AK4: variants seen among roughly 807,000 people sequenced by gnomAD.
The protein encoded by AK4 is adenylate kinase 4, mitochondrial.
A neutral mutation model predicts 24.6 loss-of-function variants in AK4; 13 were observed. That is an observed-to-expected ratio of 0.53 (90% confidence interval 0.34 to 0.84). The LOEUF (loss-of-function observed/expected upper bound fraction) is 0.84. Among genes scored for constraint, AK4 ranks in the 40% least tolerant of loss-of-function variants. AK4 has a pLI of 0.01. For synonymous variants in AK4, 88 were observed against 107.0 expected (o/e 0.82, Z 1.10); for missense variants, 192 against 288.2 (o/e 0.67, Z 2.42).
chr1:65,228,804 A>G lies in AK4; in HGVS notation c.*2627A>G, dbSNP rs926582811. ...GGTTCAGATGGTTTCTAAGATGCCA[A>G]CCTGACCTCGCATTCTGTCATTCTA... On this transcript the variant is annotated 3_prime_UTR_variant, in exon 5 of 5. Coordinates refer to ENST00000327299, the MANE Select transcript of AK4 (RefSeq NM_013410.4). The G allele has an allele frequency of 2.0e-5, 3 of 151,900 alleles. No homozygotes were observed. The highest frequency in any genetic ancestry group is 7.3e-5 in the African/African-American group (3 of 41,348). 9.4% of individuals were successfully genotyped at this position (151,900 alleles called of 1,614,324 possible).
chr1:65,152,375 TATATATATA>T (rs1227681376), intron 1 of AK4, among the ~76,000 whole-genome samples: 12 of 87,246 alleles, frequency 1.4e-4, no homozygotes, highest in East Asian at 8.8e-4. Flanking sequence ...TATATATATA[TATATATATA>T]TTTTTTTTTT....
At position 65,204,696 on chromosome 1, in the gene AK4, G is replaced by A. The variant is rs1033368153; in HGVS notation, c.265+13867G>A. Among the ~76,000 whole-genome samples the A allele has an allele frequency of 9.2e-5, 14 of 152,232 alleles. 3 individuals carry two copies. The highest frequency in any genetic ancestry group is 2.0e-4 in the Admixed American group (3 of 15,290). The stretch of plus-strand genomic sequence containing the variant: ...TTCACATTTCAAATTTAGACAGGAG[G>A]CATTGTCTCCACAGTGAACCCTGAG... On this transcript the variant is annotated intron_variant, in intron 2 of 4. Coordinates refer to ENST00000327299, the MANE Select transcript of AK4 (RefSeq NM_013410.4).
chr1:65,199,547 C>T (rs991034648), intron 2 of AK4, among the ~76,000 whole-genome samples: 6 of 151,596 alleles, frequency 4.0e-5, no homozygotes, highest in Non-Finnish European at 8.8e-5. Flanking sequence ...GTAGCCCAGG[C>T]GACTCCATCT....
chr1:65,219,615 G>C (rs1652235828), intron 3 of AK4, among the ~76,000 whole-genome samples: 1 of 152,162 alleles, frequency 6.6e-6, no homozygotes, highest in Admixed American at 6.5e-5. Flanking sequence ...TTGATTTTTA[G>C]ATAAGCTTTA....
chr1:65,220,553 G>A (rs1652266045), intron 3 of AK4, among the ~76,000 whole-genome samples: 1 of 152,174 alleles, frequency 6.6e-6, no homozygotes, highest in Non-Finnish European at 1.5e-5. Context: ...TCAGCTCACT[G>A]CAACGTCCGC....
intron 1 of AK4, among the ~76,000 whole-genome samples, chr1:65,183,172 T>A (rs1650966178): frequency 2.0e-5 from 3 of 150,358 alleles, no homozygotes; most frequent in Admixed American, 2.0e-4. Flanking sequence ...CAGTGTACCT[T>A]TTTTTTTCTT....
intron 2 of AK4, among the ~76,000 whole-genome samples, chr1:65,207,237 G>T (rs113155640): frequency 1.6e-4 from 25 of 151,636 alleles, no homozygotes; most frequent in Non-Finnish European, 8.8e-5. Context: ...CTCCCTTCTT[G>T]CCTCTATCTT....
At chr1:65,185,071 A>G (rs1651051499) in intron 1 of AK4, among the ~76,000 whole-genome samples, 1 of 152,134 alleles carries the variant, frequency 6.6e-6, no homozygotes, top group Non-Finnish European at 1.5e-5. Flanking sequence ...GAATTAACTC[A>G]AGGTTCTCTC....
intron 1 of AK4, among the ~76,000 whole-genome samples, chr1:65,172,636 A>C (rs1165609580): frequency 2.0e-5 from 3 of 152,166 alleles, no homozygotes; most frequent in Non-Finnish European, 4.4e-5. Context: ...TCAGATATCC[A>C]GGAACTCATA....
At chr1:65,194,560 C>T (rs184697073) in intron 2 of AK4, among the ~76,000 whole-genome samples, 1 of 152,304 alleles carries the variant, frequency 6.6e-6, no homozygotes, top group Non-Finnish European at 1.5e-5. Context: ...CTCCCAGGTT[C>T]AAGCAATTCT....
chr1:65,165,763 G>A (rs2100999512), intron 1 of AK4, among the ~76,000 whole-genome samples: 1 of 152,256 alleles, frequency 6.6e-6, no homozygotes, highest in East Asian at 1.9e-4. Context: ...ATGCGGTCTA[G>A]GGTAACAGTA....
In AK4 at chr1:65,214,537, C is replaced by T. The variant is rs775347140; in HGVS notation, c.266-4217C>T. ...AAAGTCCCGGGATTAAATCCAGGTGCGTCTGATTACAGGTAGAGATAAATC... is the reference window on the plus strand; with the variant it reads ...AAAGTCCCGGGATTAAATCCAGGTGTGTCTGATTACAGGTAGAGATAAATC... On this transcript the variant is annotated intron_variant, in intron 2 of 4. Transcript: ENST00000327299. Among the ~76,000 whole-genome samples the T allele has an allele frequency of 2.6e-5, 4 of 152,226 alleles. No individual in the cohort carries two copies. The South Asian group carries it at 6.2e-4, about 24-fold the overall frequency.
intron 2 of AK4, among the ~76,000 whole-genome samples, chr1:65,194,129 C>T (rs1214140643): frequency 2.0e-5 from 3 of 152,174 alleles, no homozygotes; most frequent in Non-Finnish European, 4.4e-5. Context: ...AGTGTGCCCT[C>T]AGAGTTCAAA....
At chr1:65,171,267 T>G (rs1054030661) in intron 1 of AK4, among the ~76,000 whole-genome samples, 1 of 149,470 alleles carries the variant, frequency 6.7e-6, no homozygotes, top group Non-Finnish European at 1.5e-5. Flanking sequence ...TTTTTTTTTT[T>G]GGATATAGAC....
At chr1:65,202,903 GCT>G (rs1192643564) in intron 2 of AK4, among the ~76,000 whole-genome samples, 1 of 105,316 alleles carries the variant, frequency 9.5e-6, no homozygotes, top group Non-Finnish European at 1.8e-5. Flanking sequence ...ATGGGGTTGT[GCT>G]CTGTCACCCA....
At chr1:65,201,391 G>T (rs1198362650) in intron 2 of AK4, among the ~76,000 whole-genome samples, 1 of 152,144 alleles carries the variant, frequency 6.6e-6, no homozygotes, top group Non-Finnish European at 1.5e-5. Context: ...CCACAGTATA[G>T]TAGACAATGG....
At chr1:65,198,090 A>C (rs926277934) in intron 2 of AK4, among the ~76,000 whole-genome samples, 1 of 152,204 alleles carries the variant, frequency 6.6e-6, no homozygotes, top group Non-Finnish European at 1.5e-5. Flanking sequence ...GCAGTAGTTT[A>C]TCTTAGTCAT....
At chr1:65,197,288 ATTTATC>A (rs1322138232) in intron 2 of AK4, among the ~76,000 whole-genome samples, 3 of 152,172 alleles carry the variant, frequency 2.0e-5, no homozygotes, top group Non-Finnish European at 4.4e-5. Flanking sequence ...ATCGGTTCTA[ATTTATC>A]TTTATGTACC....
chr1:65,218,664 CA>C (rs1652203604), intron 2 of AK4, 89 bp from the exon 3 acceptor site: 1 of 1,318,070 alleles, frequency 7.6e-7, no homozygotes, highest in Non-Finnish European at 1.0e-6. Context: ...ATGGTATATG[CA>C]GATTTAATTC....
Sources: allele counts gnomAD v4.1 joint callset (sites outside exome capture counted in the v4.1 genomes callset), GRCh38; gene constraint gnomAD v4.1.1; transcripts MANE v1.5; gene names NCBI Gene and HGNC (gene_info 2026-07-23, HGNC 2026-07-21).